EIF4G3: variants seen among roughly 807,000 people sequenced by gnomAD.
EIF4G3 encodes the protein eukaryotic translation initiation factor 4 gamma 3, also known as eIF-4-gamma 3.
In EIF4G3, 34 loss-of-function variants were observed where a neutral mutation model predicts 186.4. That is an observed-to-expected ratio of 0.18 (90% CI 0.14 to 0.24). The LOEUF (loss-of-function observed/expected upper bound fraction) is 0.24, where lower values mean the gene tolerates loss of function less well. Ranked by LOEUF, EIF4G3 falls within the 10% of genes least tolerant of loss-of-function variation. The pLI is 1.00. For missense variants in EIF4G3, 1,536 were observed against 1,948.5 expected (o/e 0.79, Z 3.99); for synonymous variants, 673 against 679.5 (o/e 0.99, Z 0.15).
chr1:21,022,125 C>A (rs573714200), intron 4 of EIF4G3, among the ~76,000 whole-genome samples: 25 of 152,260 alleles, frequency 1.6e-4, no homozygotes, highest in African/African-American at 6.0e-4. Flanking sequence ...TAAAATGGTA[C>A]AGAATTATTT....
In EIF4G3 at chr1:21,001,713, A is replaced by G. The variant is rs139148167; in HGVS notation, c.31-401T>C. Among the ~76,000 whole-genome samples, 218 of 152,344 alleles carry G rather than the reference A, an allele frequency of 1.4e-3. 4 individuals are homozygous for G. The highest frequency in any genetic ancestry group is 0.012 in the Admixed American group (183 of 15,310). On this transcript the variant is annotated intron_variant, in intron 5 of 36. Coordinates refer to ENST00000602326, the MANE Select transcript of EIF4G3 (RefSeq NM_001391906.1). ...GGAGAACCAGGATCTAAGAACAGGT[A>G]TTGGAGAACAGGGCAACAGGGAAAA...
At chr1:20,845,471 G>A (rs1208102577) in intron 29 of EIF4G3, among the ~76,000 whole-genome samples, 1 of 152,080 alleles carries the variant, frequency 6.6e-6, no homozygotes, top group Non-Finnish European at 1.5e-5. Context: ...GACCATCCTG[G>A]CTAACACCGT....
Position 20,854,999 on chromosome 1 carries a change from C to T in EIF4G3, c.3412G>A (p.Gly1138Arg), listed in dbSNP as rs1324923248. The part of the protein sequence containing the change: ...LGSWGKGSSG[G>R]AKASETDALR... ...TTACCAGTCTCACTTGCCTTTGCTC[C>T]ACCACTGCTGCCTTTTCCCCAGCTG... The change falls in exon 26 of 37, where the codon GGA (glycine) becomes AGA (arginine). Residue 1138 changes from glycine (G) to arginine (R), a missense_variant. Gly to Arg is a moderately radical substitution (Grantham distance 125). This residue lies in a region of EIF4G3 where 6 missense variants were observed against 27.0 expected (regional missense o/e 0.22). Coordinates refer to ENST00000602326, the MANE Select transcript of EIF4G3 (RefSeq NM_001391906.1). The T allele has an allele frequency of 6.2e-7, 1 of 1,613,714 alleles. No individual in the cohort carries two copies.
At chr1:21,113,015 T>C (rs543889242) in intron 2 of EIF4G3, among the ~76,000 whole-genome samples, 1 of 152,116 alleles carries the variant, frequency 6.6e-6, no homozygotes, top group South Asian at 2.1e-4. Flanking sequence ...GAAAAAGGGC[T>C]GAGTGCAGTG....
intron 3 of EIF4G3, among the ~76,000 whole-genome samples, chr1:21,055,582 G>A (rs987352417): frequency 9.2e-5 from 14 of 152,048 alleles, no homozygotes; most frequent in African/African-American, 3.4e-4. Flanking sequence ...ATCTTCCCAG[G>A]ATTACAGAGC....
intron 33 of EIF4G3, among the ~76,000 whole-genome samples, chr1:20,824,213 T>G (rs1012933064): frequency 1.3e-5 from 2 of 152,224 alleles, no homozygotes; most frequent in African/African-American, 4.8e-5. Context: ...GAAGTTATGC[T>G]TCATGCAGGT....
chr1:20,943,970 T>TGTG (rs2095822521), intron 13 of EIF4G3, among the ~76,000 whole-genome samples: 5 of 80,372 alleles, frequency 6.2e-5, no homozygotes, highest in African/African-American at 1.8e-4. Flanking sequence ...TGTCTTTATT[T>TGTG]TTTTTGTGTG....
intron 3 of EIF4G3, among the ~76,000 whole-genome samples, chr1:21,084,180 T>TGTA (rs1553219077): frequency 6.6e-6 from 1 of 151,212 alleles, no homozygotes; most frequent in Non-Finnish European, 1.5e-5. Flanking sequence ...GTAATGTCCA[T>TGTA]GTATTAGTCC....
chr1:21,067,644 A>ATT, intron 3 of EIF4G3, among the ~76,000 whole-genome samples: 1 of 152,196 alleles, frequency 6.6e-6, no homozygotes, highest in Non-Finnish European at 1.5e-5. Flanking sequence ...ATACTTCAAA[A>ATT]TAGAAGGGTA....
chr1:21,072,128 A>G (rs1388570922), intron 3 of EIF4G3, among the ~76,000 whole-genome samples: 1 of 152,212 alleles, frequency 6.6e-6, no homozygotes, highest in Non-Finnish European at 1.5e-5. Flanking sequence ...GTTTTGTATC[A>G]TGTACATCTA....
intron 3 of EIF4G3, among the ~76,000 whole-genome samples, chr1:21,068,261 C>T (rs1257660821): frequency 6.7e-6 from 1 of 150,272 alleles, no homozygotes; most frequent in Non-Finnish European, 1.5e-5. Flanking sequence ...CCCAGCTACT[C>T]GGGAGGCTGA....
intron 14 of EIF4G3, among the ~76,000 whole-genome samples, chr1:20,908,444 TG>T (rs1372794896): frequency 1.3e-5 from 2 of 152,328 alleles, no homozygotes; most frequent in Non-Finnish European, 2.9e-5. Context: ...CTTCTCTCTA[TG>T]TAAGTTTTAA....
At chr1:20,907,190 T>G (rs971979582) in intron 14 of EIF4G3, among the ~76,000 whole-genome samples, 3 of 152,096 alleles carry the variant, frequency 2.0e-5, no homozygotes, top group Non-Finnish European at 4.4e-5. Flanking sequence ...GGCAAAGACA[T>G]AGATTGTTTC....
intron 4 of EIF4G3, among the ~76,000 whole-genome samples, chr1:21,004,770 A>G (rs1226714115): frequency 6.6e-6 from 1 of 152,154 alleles, no homozygotes; most frequent in African/African-American, 2.4e-5. Context: ...CATACGTTCC[A>G]AATAACAAAA....
intron 4 of EIF4G3, among the ~76,000 whole-genome samples, chr1:21,044,097 T>C (rs936119272): frequency 2.6e-5 from 4 of 152,192 alleles, no homozygotes; most frequent in Non-Finnish European, 5.9e-5. Context: ...GCTGCATTCA[T>C]GGTACATGGG....
intron 3 of EIF4G3, among the ~76,000 whole-genome samples, chr1:21,079,730 G>A (rs2095706623): frequency 6.6e-6 from 1 of 151,890 alleles, no homozygotes; most frequent in Non-Finnish European, 1.5e-5. Flanking sequence ...GCATAGCTGG[G>A]CATGGTGGCT....
intron 20 of EIF4G3, among the ~76,000 whole-genome samples, chr1:20,872,568 T>C (rs1188770796): frequency 6.6e-6 from 1 of 152,108 alleles, no homozygotes; most frequent in East Asian, 1.9e-4. Context: ...ACTCCATAAA[T>C]ACCACCAGGT....
intron 14 of EIF4G3, among the ~76,000 whole-genome samples, chr1:20,929,078 A>G (rs1487517896): frequency 1.3e-5 from 2 of 152,166 alleles, no homozygotes; most frequent in Non-Finnish European, 2.9e-5. Flanking sequence ...TCATGGTCCG[A>G]TATTTCATGG....
At position 21,176,231 on chromosome 1, in the gene EIF4G3, TGCCGCCGCCGCCGCCGCC is replaced by T. The variant is rs34197724; in HGVS notation, c.-346_-329del. The T allele has an allele frequency of 4.6e-4, 161 of 346,394 alleles. 7 individuals are homozygous for T. The highest frequency in any genetic ancestry group is 2.7e-3 in the South Asian group (32 of 11,704). The allele number at this position is 346,394 out of a possible 1,614,324, so 21.5% of individuals were successfully genotyped here. ...TGTTCGGGTGAGGAGGGGGGACCGC[TGCCGCCGCCGCCGCCGCC>T]GCCGCCGCCGCCGCCGCTGCTGCCG... On this transcript the variant is annotated 5_prime_UTR_variant, in exon 2 of 37. Transcript: ENST00000602326.
Sources: allele counts gnomAD v4.1 joint callset (sites outside exome capture counted in the v4.1 genomes callset), GRCh38; gene constraint gnomAD v4.1.1; regional missense constraint gnomAD v4.1.1; transcripts MANE v1.5; gene names NCBI Gene and HGNC (gene_info 2026-07-23, HGNC 2026-07-21).